LRRC24: variants seen among roughly 807,000 people sequenced by gnomAD.
LRRC24 encodes leucine rich repeat containing 24.
In LRRC24, 19 loss-of-function variants were observed where a neutral mutation model predicts 15.3. The ratio of observed to expected loss-of-function variants is 1.25; its 90% CI spans 0.87 to 1.83. The LOEUF is 1.83. LRRC24 is among the 40% of genes most tolerant of loss of function. LRRC24 has a pLI of 0.00. For synonymous variants in LRRC24, 469 were observed against 359.6 expected, an observed-to-expected ratio of 1.30 and a Z score of -3.44; for missense variants, 914 against 723.9, an observed-to-expected ratio of 1.26 and a Z score of -3.01.
rs376280133 is a variant in LRRC24, at chr8:144,523,237, G to C, written c.780C>G (p.Pro260=). The part of the protein sequence containing the change: ...VSHSSLICIP[P]SVHVQPLELT... ...GCTCCAGCGGCTGCACGTGGACAGAGGGCGGAATGCAGATGAGGCTGCTGT... is the reference window on the plus strand; with the variant it reads ...GCTCCAGCGGCTGCACGTGGACAGACGGCGGAATGCAGATGAGGCTGCTGT... The change falls in exon 5 of 5, where the codon CCC becomes CCG. Residue 260 remains proline, a synonymous_variant. Transcript: ENST00000529415. The C allele has an allele frequency of 2.9e-5, 46 of 1,610,366 alleles. No homozygotes were observed. Among genetic ancestry groups the C allele is most frequent in the South Asian group, 9.9e-5 (9 of 90,682 alleles).
In LRRC24 at chr8:144,522,540, G is replaced by A. The variant is rs1238626632; in HGVS notation, c.1477C>T (p.Pro493Ser). The change falls in exon 5 of 5, where the codon CCG (proline) becomes TCG (serine). Residue 493 changes from proline (P) to serine (S), a missense_variant. By Grantham distance (74) the Pro-to-Ser change is moderately conservative. Coordinates refer to ENST00000529415, the MANE Select transcript of LRRC24 (RefSeq NM_001024678.4). The part of the protein sequence containing the change: ...GPAEAPADCG[P>S]EQGAGPGLRV... ...AGTCCCGGCCCCGCCCCCTGTTCCG[G>A]GCCGCAGTCAGCGGGCGCCTCCGCC... 1.3e-6 allele frequency: 2 copies of A among 1,526,850 alleles called. No homozygotes were observed. Among genetic ancestry groups the A allele is most frequent in the South Asian group, 1.2e-5 (1 of 81,614 alleles). 94.6% of individuals were successfully genotyped at this position (1,526,850 alleles called of 1,614,324 possible).
At position 144,524,846 on chromosome 8, in the gene LRRC24, G is replaced by A. The variant is rs375566059; in HGVS notation, c.129C>T (p.Val43=). 6.7e-7 allele frequency: 1 copy of A among 1,484,688 alleles called. No individual in the cohort carries two copies. The allele number at this position is 1,484,688 out of a possible 1,614,324, so 92.0% of individuals were successfully genotyped here. Residue 43 remains valine (V), a synonymous_variant, in exon 2 of 5, where the codon GTC becomes GTT. Transcript: ENST00000529415. ...TVECGALRLR[V]VPLGIPPGTQ... ...TCCCTGGCGGGATTCCCAGCGGGAC[G>A]ACGCGCAACCGCAGGGCGCCACACT...
Position 144,525,009 on chromosome 8 carries a change from G to T in LRRC24, c.-35C>A, listed in dbSNP as rs1010922531. ...CCCGGTTCCTCACCGGCCCTTCCGC[G>T]GTTCAGCCGCAGACGCGTGCCCTCC... On this transcript the variant is annotated 5_prime_UTR_variant, in exon 2 of 5. Transcript: ENST00000529415. 2.1e-6 allele frequency: 3 copies of T among 1,412,416 alleles called. No homozygotes were observed. The highest frequency in any genetic ancestry group is 2.8e-6 in the Non-Finnish European group (3 of 1,086,346). 87.5% of individuals were successfully genotyped at this position (1,412,416 alleles called of 1,614,324 possible).
At position 144,524,446 on chromosome 8, in the gene LRRC24, G is replaced by C; in HGVS notation, c.433C>G (p.Leu145Val). ...TTTAGACCCCAGGCGCTCACCGGCA[G>C]GTGCAAGAAGGTGAAATCCAGCAGC... ...ARLLDFTFLH[L>V]PRLQELHLQE... Residue 145 changes from leucine (L) to valine (V), a missense_variant, in exon 3 of 5, where the codon CTG becomes GTG. Coordinates refer to ENST00000529415, the MANE Select transcript of LRRC24 (RefSeq NM_001024678.4). 6.3e-7 allele frequency: 1 copy of C among 1,597,936 alleles called. No individual in the cohort carries two copies. Among genetic ancestry groups the C allele is most frequent in the Admixed American group, 1.7e-5 (1 of 59,956 alleles).
In LRRC24 at chr8:144,525,460, C is replaced by T. The variant is rs189092534; in HGVS notation, c.-59-427G>A. 2.0e-5 allele frequency among the ~76,000 whole-genome samples: 3 copies of T among 152,250 alleles called. No homozygotes were observed. The East Asian group carries it at 5.8e-4, about 29-fold the overall frequency. Reference sequence around the variant, plus strand: ...AGAACTTTGCTTAGGTGACAAAGCCCGGGGTCCCATTACCCAAGCATGGCT... The same window carrying T: ...AGAACTTTGCTTAGGTGACAAAGCCTGGGGTCCCATTACCCAAGCATGGCT... On this transcript the variant is annotated intron_variant, in intron 1 of 4. Transcript: ENST00000529415.
At chr8:144,524,003 C>A in intron 4 of LRRC24, 107 bp downstream of exon 4, 1 of 1,351,740 alleles carries the variant, frequency 7.4e-7, no homozygotes, top group Non-Finnish European at 1.0e-6. Context: ...GTGCAGCCTT[C>A]CAGACTGCTG....
In LRRC24 at chr8:144,522,508, C is replaced by A; in HGVS notation, c.1509G>T (p.Val503=). 2 of 1,497,818 alleles carry A rather than the reference C, an allele frequency of 1.3e-6. No individual in the cohort carries two copies. Among genetic ancestry groups the A allele is most frequent in the Non-Finnish European group, 8.9e-7 (1 of 1,128,954 alleles). 92.8% of individuals were successfully genotyped at this position (1,497,818 alleles called of 1,614,324 possible). A position where few individuals can be genotyped will look rare whatever the true frequency, so the allele number is the denominator to read the frequency against. Residue 503 remains valine, a synonymous_variant, in exon 5 of 5, where the codon GTG becomes GTT. Transcript: ENST00000529415. ...GGATCTCGTAGGCGACCGGCGGGGGCACGCGGAGTCCCGGCCCCGCCCCCT... is the reference window on the plus strand; with the variant it reads ...GGATCTCGTAGGCGACCGGCGGGGGAACGCGGAGTCCCGGCCCCGCCCCCT... The part of the protein sequence containing the change: ...PEQGAGPGLR[V]PPPVAYEIHC
Position 144,524,493 on chromosome 8 carries a change from A to G in LRRC24, c.386T>C (p.Leu129Pro). 1 of 1,597,504 alleles carries G rather than the reference A, an allele frequency of 6.3e-7. No individual in the cohort carries two copies. The highest frequency in any genetic ancestry group is 1.7e-4 in the Middle Eastern group (1 of 5,956). The change falls in exon 3 of 5, where the codon CTG becomes CCG. Residue 129 changes from leucine to proline, a missense_variant. Physicochemically the swap from Leu to Pro is moderately conservative, Grantham distance 98. Transcript: ENST00000529415. ...CAGCCGCGCCAGCTGGTTGCCCGCC[A>G]GGTAGAGCACGCGCAGCTGGGCCAG... The part of the protein sequence containing the change: ...VGLAQLRVLY[L>P]AGNQLARLLD...
At position 144,525,048 on chromosome 8, in the gene LRRC24, G is replaced by A. The variant is rs1415678060; in HGVS notation, c.-59-15C>T. On this transcript the variant is annotated splice_polypyrimidine_tract_variant and intron_variant, in intron 1 of 4. Transcript: ENST00000529415. ...CGCGTGCCCTCCTGAAACACAGGTT[G>A]GCAGGCCAGTCTCGGCAGTCGAGAG... 5.2e-6 allele frequency: 7 copies of A among 1,359,150 alleles called. No individual in the cohort carries two copies. The highest frequency in any genetic ancestry group is 2.7e-4 in the Middle Eastern group (1 of 3,688). 84.2% of individuals were successfully genotyped at this position (1,359,150 alleles called of 1,614,324 possible). A position where few individuals can be genotyped will look rare whatever the true frequency, so the allele number is the denominator to read the frequency against.
Position 144,522,438 on chromosome 8 carries a change from A to T in LRRC24, c.*37T>A. 1.4e-6 allele frequency: 2 copies of T among 1,387,308 alleles called. No individual in the cohort carries two copies. The highest frequency in any genetic ancestry group is 1.9e-6 in the Non-Finnish European group (2 of 1,079,304). The allele number at this position is 1,387,308 out of a possible 1,614,324, so 85.9% of individuals were successfully genotyped here. ...GAGCATGCGCGAGGCCGCACCGGCC[A>T]ATCTCCGGCGCCCACGTCATCCGCG... On this transcript the variant is annotated 3_prime_UTR_variant, in exon 5 of 5. Transcript: ENST00000529415.
intron 4 of LRRC24, 73 bp downstream of exon 4, chr8:144,524,037 C>T (rs369490562): frequency 4.6e-6 from 7 of 1,521,684 alleles, no homozygotes; most frequent in East Asian, 4.6e-5. Flanking sequence ...TGTCAGAGCC[C>T]CTCCACACAT....
chr8:144,523,074 G>A lies in LRRC24; in HGVS notation c.943C>T (p.Leu315=), dbSNP rs766584717. Residue 315 remains leucine (L), a synonymous_variant, in exon 5 of 5, where the codon CTG becomes TTG. Transcript: ENST00000529415. ...RAQAQLEGGL[L]GLGGHSASDT... is the part of the protein sequence containing the mutation. ...GATGCCGAGTGTCCGCCCAGGCCCA[G>A]CAACCCGCCTTCTAGCTGGGCCTGG... 7.5e-6 allele frequency: 12 copies of A among 1,607,738 alleles called. No individual in the cohort carries two copies. The highest frequency in any genetic ancestry group is 1.0e-5 in the Non-Finnish European group (12 of 1,178,960).
intron 1 of LRRC24, chr8:144,525,984 G>A (rs1322724883): frequency 1.3e-5 from 2 of 152,190 alleles, no homozygotes; most frequent in African/African-American, 4.8e-5. Context: ...AAGGAGCCCA[G>A]TTTTAAAAGT....
Position 144,524,044 on chromosome 8 carries a change from A to C in LRRC24, c.607+66T>G, listed in dbSNP as rs1393696316. ...TTGCCTGATGTCAGAGCCCCTCCAC[A>C]CATGAGCCTGCTCCCTACTGCCAAC... On this transcript the variant is annotated intron_variant, in intron 4 of 4. Coordinates refer to ENST00000529415, the MANE Select transcript of LRRC24 (RefSeq NM_001024678.4). 13 of 1,543,870 alleles carry C rather than the reference A, an allele frequency of 8.4e-6. No homozygotes were observed. In the East Asian group the frequency reaches 2.5e-4, roughly 30 times the overall value.
chr8:144,525,420 A>G (rs1245544475), intron 1 of LRRC24, among the ~76,000 whole-genome samples: 5 of 152,228 alleles, frequency 3.3e-5, no homozygotes, highest in African/African-American at 1.2e-4. Context: ...AGCTGGAAGT[A>G]CAGGGTATGG....
rs1293748662 is a variant in LRRC24 at position 144,522,775 on chromosome 8, C to T, written c.1242G>A (p.Leu414=). The change falls in exon 5 of 5, where the codon CTG becomes CTA. Residue 414 remains leucine (L), a synonymous_variant. Transcript: ENST00000529415. ...QTAIAAAIAL[L]ALTALLLVAM... is the part of the protein sequence containing the mutation. ...CGACCAGGAGCAGCGCCGTGAGCGC[C>T]AGCAGCGCGATGGCCGCCGCAATGG... The T allele has an allele frequency of 2.6e-6, 4 of 1,565,598 alleles. No homozygotes were observed. Among genetic ancestry groups the T allele is most frequent in the Non-Finnish European group, 3.5e-6 (4 of 1,159,378 alleles).
At position 144,524,859 on chromosome 8, in the gene LRRC24, A is replaced by C; in HGVS notation, c.116T>G (p.Leu39Arg). The part of the protein sequence containing the change: ...CYSATVECGA[L>R]RLRVVPLGIP... ...TCCCAGCGGGACGACGCGCAACCGC[A>C]GGGCGCCACACTCCACCGTGGCGCT... The change falls in exon 2 of 5, where the codon CTG becomes CGG. Residue 39 changes from leucine (L) to arginine (R), a missense_variant. Leu to Arg is a moderately radical substitution (Grantham distance 102). Coordinates refer to ENST00000529415, the MANE Select transcript of LRRC24 (RefSeq NM_001024678.4). 6.7e-7 allele frequency: 1 copy of C among 1,495,398 alleles called. No homozygotes were observed. The allele number at this position is 1,495,398 out of a possible 1,614,324, so 92.6% of individuals were successfully genotyped here. A position where few individuals can be genotyped will look rare whatever the true frequency, so the allele number is the denominator to read the frequency against.
intron 1 of LRRC24, chr8:144,526,098 C>T (rs950738389): frequency 6.6e-6 from 1 of 152,266 alleles, no homozygotes; most frequent in African/African-American, 2.4e-5. Flanking sequence ...AAACATTTGC[C>T]TGTCCATCAG....
Position 144,522,620 on chromosome 8 carries a change from C to T in LRRC24, c.1397G>A (p.Arg466His), listed in dbSNP as rs767033227. Residue 466 changes from arginine to histidine, a missense_variant, in exon 5 of 5, where the codon CGC becomes CAC. By Grantham distance (29) the Arg-to-His change is conservative. Transcript: ENST00000529415. Reference protein sequence around the residue: ...FAQLEELRDERGHEMFVINRS... With the variant: ...FAQLEELRDEHGHEMFVINRS... ...GTTGATGACGAACATCTCGTGGCCG[C>T]GCTCGTCGCGGAGCTCCTCTAGCTG... is the stretch of plus-strand genomic sequence containing the variant. The T allele has an allele frequency of 8.3e-6, 13 of 1,573,484 alleles. No homozygotes were observed. The South Asian group carries it at 1.4e-4, about 17-fold the overall frequency.
Sources: gnomAD v4.1 joint callset for allele counts (sites outside exome capture counted in the v4.1 genomes callset) on GRCh38, gnomAD v4.1.1 for gene constraint, MANE v1.5 for transcripts, NCBI Gene and HGNC (gene_info 2026-07-23, HGNC 2026-07-21) for gene names.